Variants in SYTL2 observed in about 807,000 individuals in gnomAD.
SYTL2 encodes synaptotagmin like 2, also known as synaptotagmin-like protein 2.
SYTL2 carries 165 observed loss-of-function variants against 198.7 expected under a neutral mutation model. The observed-to-expected ratio is 0.83, with a 90% CI of 0.73 to 0.94. The LOEUF (loss-of-function observed/expected upper bound fraction) is 0.94, where lower values mean the gene tolerates loss of function less well. Ranked by LOEUF, SYTL2 falls within the 40% of genes least tolerant of loss-of-function variation. The pLI is 0.00. For missense variants in SYTL2, 2,835 were observed against 2,582.8 expected (o/e 1.10, Z -2.12); for synonymous variants, 966 against 917.7 (o/e 1.05, Z -0.95).
chr11:85,709,199 TCCC>T (rs1565874661), intron 14 of SYTL2, 129 bp downstream of exon 14: 1 of 836,910 alleles, frequency 1.2e-6, no homozygotes, highest in South Asian at 1.7e-5. Flanking sequence ...AAACAGCATT[TCCC>T]CCCAACTTTT....
the SYTL2 span, chr11:85,853,969 G>C: frequency 1.3e-5 from 2 of 151,884 alleles, no homozygotes; most frequent in Non-Finnish European, 2.9e-5. Context: ...CTCCACCTCC[G>C]AAGTAGCTGG....
intron 1 of SYTL2, among the ~76,000 whole-genome samples, chr11:85,792,110 G>T (rs1161203206): frequency 6.6e-6 from 1 of 152,094 alleles, no homozygotes; most frequent in African/African-American, 2.4e-5. Flanking sequence ...ATGGTTAGAT[G>T]AGGGGTATAG....
At chr11:85,719,392 G>A (rs2087906626) in intron 9 of SYTL2, 1 of 1,003,940 alleles carries the variant, frequency 1.0e-6, no homozygotes, top group African/African-American at 1.7e-5. Context: ...CCCGTCAGCT[G>A]ATGGTGATTT....
chr11:85,707,019 T>C (rs2085286315), intron 15 of SYTL2, among the ~76,000 whole-genome samples: 1 of 152,160 alleles, frequency 6.6e-6, no homozygotes, highest in Non-Finnish European at 1.5e-5. Flanking sequence ...TTTGTATTTT[T>C]AGTACAGACA....
At chr11:85,739,251 G>T in intron 4 of SYTL2, among the ~76,000 whole-genome samples, 1 of 129,700 alleles carries the variant, frequency 7.7e-6, no homozygotes, top group African/African-American at 3.3e-5. Flanking sequence ...GCAGGAGGCT[G>T]GCTTTTTTTT....
intron 1 of SYTL2, among the ~76,000 whole-genome samples, chr11:85,778,560 A>G (rs1386704559): frequency 1.3e-5 from 2 of 152,268 alleles, no homozygotes; most frequent in Non-Finnish European, 2.9e-5. Flanking sequence ...GCAACTCAAC[A>G]GAAGGCAGCA....
intron 1 of SYTL2, among the ~76,000 whole-genome samples, chr11:85,799,862 A>G (rs947645369): frequency 1.3e-5 from 2 of 152,220 alleles, no homozygotes; most frequent in African/African-American, 4.8e-5. Context: ...GCACACAAAC[A>G]TAGAAAACAC....
At chr11:85,746,647 GGA>G (rs1490486390) in intron 3 of SYTL2, among the ~76,000 whole-genome samples, 1 of 152,164 alleles carries the variant, frequency 6.6e-6, no homozygotes, top group Non-Finnish European at 1.5e-5. Context: ...CCATATTCCA[GGA>G]GAGTATCCCC....
At chr11:85,697,463 T>G (rs1268138916) in intron 18 of SYTL2, among the ~76,000 whole-genome samples, 1 of 152,218 alleles carries the variant, frequency 6.6e-6, no homozygotes, top group Non-Finnish European at 1.5e-5. Flanking sequence ...TAGATGCCAG[T>G]CACTTTATAT....
Position 85,757,813 on chromosome 11 carries a change from AAAC to A in SYTL2, c.-91_-89del. On this transcript the variant is annotated 5_prime_UTR_variant, in exon 2 of 20. Transcript: ENST00000359152. ...ACTAAGACTGCAACCAGGAAGATTA[AAAC>A]ACACAAAAATGAAATATCTTGTTCA... 12 of 1,564,502 alleles carry A rather than the reference AAAC, an allele frequency of 7.7e-6. No individual in the cohort carries two copies. The highest frequency in any genetic ancestry group is 1.0e-5 in the Non-Finnish European group (12 of 1,153,446).
chr11:85,789,428 T>C, intron 1 of SYTL2, among the ~76,000 whole-genome samples: 1 of 127,566 alleles, frequency 7.8e-6, no homozygotes, highest in African/African-American at 3.0e-5. Flanking sequence ...AGAGACAAAG[T>C]CTCCCTATCT....
intron 15 of SYTL2, among the ~76,000 whole-genome samples, chr11:85,705,868 G>A (rs984201734): frequency 6.6e-6 from 1 of 152,176 alleles, no homozygotes; most frequent in Non-Finnish European, 1.5e-5. Flanking sequence ...TAGTCAAACT[G>A]TAATTAAAAA....
At chr11:85,844,006 A>T in the SYTL2 span, among the ~76,000 whole-genome samples, 1 of 152,304 alleles carries the variant, frequency 6.6e-6, no homozygotes, top group African/African-American at 2.4e-5. Flanking sequence ...CTCAGTGGGT[A>T]GTTCCCAAAG....
rs1447750423 is a variant in SYTL2 at position 85,720,774 on chromosome 11, AGC to A, written c.5428+82_5428+83del. On this transcript the variant is annotated intron_variant, in intron 9 of 19. Coordinates refer to ENST00000359152, the MANE Select transcript of SYTL2 (RefSeq NM_206927.4). ...CCCATTAGAGGGTGCAGTGCACAAC[AGC>A]ACGCAGTGAGGCTACAGGAGAGCAC... 33 of 942,694 alleles carry A rather than the reference AGC, an allele frequency of 3.5e-5. 1 individual carries two copies. The Admixed American group carries it at 5.4e-4, about 16-fold the overall frequency. 58.4% of individuals were successfully genotyped at this position (942,694 alleles called of 1,614,324 possible). A position where few individuals can be genotyped will look rare whatever the true frequency, so the allele number is the denominator to read the frequency against.
chr11:85,768,770 G>GA (rs1194629758), intron 1 of SYTL2, among the ~76,000 whole-genome samples: 1 of 152,162 alleles, frequency 6.6e-6, no homozygotes, highest in Non-Finnish European at 1.5e-5. Context: ...CTAAATTTGA[G>GA]ATGGGGTATT....
chr11:85,828,574 A>G, the SYTL2 span, among the ~76,000 whole-genome samples: 90,804 of 152,074 alleles, frequency 0.6, 27,883 homozygotes, highest in African/African-American at 0.73. Context: ...CTTTGGCACC[A>G]GTTACAAAGG....
chr11:85,784,913 G>A (rs186035491), intron 1 of SYTL2, among the ~76,000 whole-genome samples: 20 of 152,074 alleles, frequency 1.3e-4, no homozygotes, highest in East Asian at 3.9e-4. Context: ...TTTCATCCTC[G>A]GAATCACTAG....
intron 7 of SYTL2, 68 bp from the exon 8 acceptor site, chr11:85,728,035 C>A: frequency 7.3e-7 from 1 of 1,372,860 alleles, no homozygotes; most frequent in Non-Finnish European, 9.8e-7. Flanking sequence ...TCATTCACAT[C>A]ATCATCTTTA....
At chr11:85,695,658 T>C (rs766898229) in intron 19 of SYTL2, among the ~76,000 whole-genome samples, 10 of 152,218 alleles carry the variant, frequency 6.6e-5, no homozygotes, top group Non-Finnish European at 8.8e-5. Context: ...AATCTCTAGG[T>C]TAGTGTGACT....
Sources: gnomAD v4.1 joint callset for allele counts (sites outside exome capture counted in the v4.1 genomes callset) on GRCh38, gnomAD v4.1.1 for gene constraint, MANE v1.5 for transcripts, NCBI Gene and HGNC (gene_info 2026-07-23, HGNC 2026-07-21) for gene names.